Variants in PRELID2 observed in about 807,000 individuals in gnomAD.
PRELID2 encodes the protein PRELI domain containing 2.
PRELID2 carries 25 observed loss-of-function variants against 28.4 expected under a neutral mutation model. The observed-to-expected ratio is 0.88, with a 90% CI of 0.64 to 1.23. The LOEUF (loss-of-function observed/expected upper bound fraction) is 1.23. PRELID2 is among the 50% of genes most tolerant of loss of function. The pLI is 0.00. For missense variants in PRELID2, 201 were observed against 214.4 expected, an observed-to-expected ratio of 0.94 and a Z score of 0.39; for synonymous variants, 76 against 71.6, an observed-to-expected ratio of 1.06 and a Z score of -0.31.
chr5:145,644,241 G>A (rs1457051434), intron 1 of PRELID2, among the ~76,000 whole-genome samples: 1 of 152,154 alleles, frequency 6.6e-6, no homozygotes, highest in Non-Finnish European at 1.5e-5. Context: ...TTAGTCTTGG[G>A]AGGGTGTATG....
the PRELID2 span, among the ~76,000 whole-genome samples, chr5:145,357,970 A>AG: frequency 1.3e-5 from 2 of 151,610 alleles, no homozygotes; most frequent in Non-Finnish European, 2.9e-5. Flanking sequence ...TTGTGGCATA[A>AG]GGTGGGTTTA....
chr5:145,529,954 T>C (rs1030286140), intron 1 of PRELID2, among the ~76,000 whole-genome samples: 2 of 152,178 alleles, frequency 1.3e-5, no homozygotes, highest in Admixed American at 1.3e-4. Context: ...CCTGCTCATA[T>C]TGTGACCAGA....
At chr5:145,394,089 C>T in the PRELID2 span, among the ~76,000 whole-genome samples, 3 of 151,900 alleles carry the variant, frequency 2.0e-5, no homozygotes, top group African/African-American at 7.3e-5. Flanking sequence ...GGGTATATAC[C>T]CAAAGGATTA....
the PRELID2 span, chr5:145,429,853 T>G: frequency 6.6e-6 from 1 of 152,202 alleles, no homozygotes; most frequent in African/African-American, 2.4e-5. Context: ...GCTTCCATTC[T>G]GTCTCTTAGG....
intron 1 of PRELID2, among the ~76,000 whole-genome samples, chr5:145,520,491 T>C (rs1166958926): frequency 1.3e-5 from 2 of 152,096 alleles, no homozygotes; most frequent in Admixed American, 1.3e-4. Flanking sequence ...CAACACACAG[T>C]GTTGTGCCTC....
intron 1 of PRELID2, among the ~76,000 whole-genome samples, chr5:145,625,534 A>G (rs2149654740): frequency 6.6e-6 from 1 of 152,290 alleles, no homozygotes; most frequent in South Asian, 2.1e-4. Flanking sequence ...GAAAGCAAAC[A>G]GTCATTTTTT....
the PRELID2 span, among the ~76,000 whole-genome samples, chr5:145,414,248 G>T: frequency 1.3e-5 from 2 of 152,128 alleles, no homozygotes; most frequent in Non-Finnish European, 2.9e-5. Flanking sequence ...AAAATCTCTG[G>T]CCACATGAAA....
At chr5:145,683,670 T>C (rs1754981723) in intron 1 of PRELID2, among the ~76,000 whole-genome samples, 1 of 152,078 alleles carries the variant, frequency 6.6e-6, no homozygotes, top group African/African-American at 2.4e-5. Flanking sequence ...TTATTTTGCC[T>C]TTATCACTCT....
chr5:145,350,005 C>T, the PRELID2 span, among the ~76,000 whole-genome samples: 1 of 152,158 alleles, frequency 6.6e-6, no homozygotes, highest in African/African-American at 2.4e-5. Context: ...GGAGGGGTAA[C>T]CATGCCATAA....
At chr5:145,564,102 TCTGGAAACA>T (rs1752946023) in intron 1 of PRELID2, among the ~76,000 whole-genome samples, 1 of 152,202 alleles carries the variant, frequency 6.6e-6, no homozygotes, top group Admixed American at 6.5e-5. Context: ...AAAGACTCAT[TCTGGAAACA>T]ATTAGACAAC....
intron 1 of PRELID2, among the ~76,000 whole-genome samples, chr5:145,509,452 C>G (rs1030536676): frequency 6.6e-6 from 1 of 152,170 alleles, no homozygotes; most frequent in Non-Finnish European, 1.5e-5. Context: ...GGCAAGGTCA[C>G]CCAGGCTGCC....
intron 1 of PRELID2, among the ~76,000 whole-genome samples, chr5:145,593,038 T>G (rs1753253896): frequency 6.6e-6 from 1 of 152,216 alleles, no homozygotes; most frequent in Non-Finnish European, 1.5e-5. Context: ...GTAATTATGT[T>G]AGTGTTCTTG....
chr5:145,248,229 G>T, the PRELID2 span, among the ~76,000 whole-genome samples: 3 of 151,730 alleles, frequency 2.0e-5, no homozygotes, highest in African/African-American at 7.3e-5. Flanking sequence ...CTTAACCCTC[G>T]TATATGTATG....
chr5:145,672,250 T>C (rs1263914955), intron 1 of PRELID2, among the ~76,000 whole-genome samples: 1 of 152,132 alleles, frequency 6.6e-6, no homozygotes, highest in East Asian at 1.9e-4. Context: ...AAAAGGGTCA[T>C]ATCAGCATCA....
intron 1 of PRELID2, among the ~76,000 whole-genome samples, chr5:145,647,464 G>A (rs970841420): frequency 2.0e-5 from 3 of 152,214 alleles, no homozygotes; most frequent in African/African-American, 7.2e-5. Flanking sequence ...GGGCTCTGTG[G>A]GGGTGGGACC....
chr5:145,476,348 G>T (rs374585800), intron 1 of PRELID2, among the ~76,000 whole-genome samples: 12 of 152,318 alleles, frequency 7.9e-5, no homozygotes, highest in East Asian at 1.9e-4. Flanking sequence ...AAATTTGAAA[G>T]AATTAATTGT....
the PRELID2 span, among the ~76,000 whole-genome samples, chr5:145,296,278 T>G: frequency 2.0e-5 from 3 of 151,866 alleles, no homozygotes; most frequent in Non-Finnish European, 4.4e-5. Flanking sequence ...GCCATGCTGG[T>G]GTGCTGCACC....
intron 1 of PRELID2, among the ~76,000 whole-genome samples, chr5:145,537,793 C>G (rs1580971323): frequency 6.6e-6 from 1 of 151,726 alleles, no homozygotes. Flanking sequence ...CAAGTTGTCT[C>G]TTAATTCTGT....
At chr5:145,329,430 T>C in the PRELID2 span, among the ~76,000 whole-genome samples, 1 of 152,188 alleles carries the variant, frequency 6.6e-6, no homozygotes, top group African/African-American at 2.4e-5. Flanking sequence ...TGTTTTTCCA[T>C]TTATTTGTGT....
Sources: gnomAD v4.1 joint callset for allele counts (sites outside exome capture counted in the v4.1 genomes callset) on GRCh38, gnomAD v4.1.1 for gene constraint, MANE v1.5 for transcripts, NCBI Gene and HGNC (gene_info 2026-07-23, HGNC 2026-07-21) for gene names.